Variants in THSD7A observed in about 807,000 individuals in gnomAD.
THSD7A encodes thrombospondin type-1 domain-containing protein 7A.
A neutral mutation model predicts 231.3 loss-of-function variants in THSD7A; 96 were observed. The ratio of observed to expected loss-of-function variants is 0.41; its 90% CI spans 0.35 to 0.49. THSD7A has a LOEUF of 0.49. Ranked by LOEUF, THSD7A falls within the 20% of genes least tolerant of loss-of-function variation. The pLI is 0.05. For missense variants in THSD7A, 2,290 were observed against 2,070.2 expected, an observed-to-expected ratio of 1.11 and a Z score of -2.06; for synonymous variants, 940 against 743.3, an observed-to-expected ratio of 1.26 and a Z score of -4.30.
intron 1 of THSD7A, among the ~76,000 whole-genome samples, chr7:11,679,171 A>G (rs1783767429): frequency 1.3e-5 from 2 of 152,182 alleles, no homozygotes; most frequent in African/African-American, 4.8e-5. Flanking sequence ...AAAACACTCA[A>G]TAAACAAGGT....
chr7:11,737,504 T>C (rs1781957192), intron 1 of THSD7A, among the ~76,000 whole-genome samples: 1 of 152,000 alleles, frequency 6.6e-6, no homozygotes, highest in Non-Finnish European at 1.5e-5. Flanking sequence ...ACTCACGCAG[T>C]TCCTGGAATC....
chr7:11,424,035 G>T (rs1432178528), intron 16 of THSD7A, among the ~76,000 whole-genome samples: 1 of 152,100 alleles, frequency 6.6e-6, no homozygotes, highest in Non-Finnish European at 1.5e-5. Flanking sequence ...GAGTGTAATA[G>T]AACAACCCTG....
intron 6 of THSD7A, among the ~76,000 whole-genome samples, chr7:11,521,800 C>A (rs1788279223): frequency 1.3e-5 from 2 of 151,114 alleles, no homozygotes; most frequent in African/African-American, 4.9e-5. Flanking sequence ...GTATTCACTA[C>A]CTTTTGAAGT....
At position 11,590,891 on chromosome 7, in the gene THSD7A, T is replaced by C. The variant is rs769651684; in HGVS notation, c.1272-250A>G. 7.9e-5 allele frequency among the ~76,000 whole-genome samples: 12 copies of C among 152,166 alleles called. No homozygotes were observed. Among genetic ancestry groups the C allele is most frequent in the Non-Finnish European group, 1.8e-4 (12 of 68,030 alleles). ...TACTGGAAGTTACTTATAAATATTTTATGAAAAGGGAGCACAATGCTGAAA... is the reference window on the plus strand; with the variant it reads ...TACTGGAAGTTACTTATAAATATTTCATGAAAAGGGAGCACAATGCTGAAA... On this transcript the variant is annotated intron_variant, in intron 3 of 27. Transcript: ENST00000423059. This position sits in a 1 kb window ranked among gnomAD's most constrained non-coding sequence, Gnocchi z 4.4.
At chr7:11,729,464 G>A (rs549428913) in intron 1 of THSD7A, among the ~76,000 whole-genome samples, 1 of 151,774 alleles carries the variant, frequency 6.6e-6, no homozygotes, top group South Asian at 2.1e-4. Flanking sequence ...AAGCAAGAAA[G>A]GCCCCAACTG....
intron 6 of THSD7A, among the ~76,000 whole-genome samples, chr7:11,513,435 A>C (rs898129426): frequency 1.3e-5 from 2 of 152,242 alleles, no homozygotes; most frequent in Non-Finnish European, 2.9e-5. Context: ...AAACAAAGTG[A>C]GGAACACAAA....
chr7:11,461,301 AT>A (rs1308224841), intron 10 of THSD7A, among the ~76,000 whole-genome samples: 1 of 152,196 alleles, frequency 6.6e-6, no homozygotes, highest in Non-Finnish European at 1.5e-5. Context: ...TCATCTCAGA[AT>A]TAAAGATTGA....
intron 6 of THSD7A, among the ~76,000 whole-genome samples, chr7:11,486,857 A>G (rs1786680290): frequency 6.6e-6 from 1 of 152,204 alleles, no homozygotes; most frequent in Non-Finnish European, 1.5e-5. Flanking sequence ...AAAACAGACT[A>G]AATGAACCAT....
In THSD7A at chr7:11,780,589, C is replaced by T. The variant is rs1439186750; in HGVS notation, c.190+51168G>A. Among the ~76,000 whole-genome samples, 5 of 152,276 alleles carry T rather than the reference C, an allele frequency of 3.3e-5. No individual in the cohort carries two copies. The East Asian group carries it at 7.7e-4, about 24-fold the overall frequency. ...AATGAATTCTCTAGCTCCAGTCAAT[C>T]CTTCAGATGACTATAGCCCCATCTA... On this transcript the variant is annotated intron_variant, in intron 1 of 27. Transcript: ENST00000423059.
intron 25 of THSD7A, 54 bp downstream of exon 25, chr7:11,379,576 G>C: frequency 6.9e-7 from 1 of 1,453,876 alleles, no homozygotes; most frequent in Non-Finnish European, 9.5e-7. Context: ...ATAAGAGACA[G>C]TGGGGTGACA....
At chr7:11,586,521 G>A (rs1452284189) in intron 4 of THSD7A, among the ~76,000 whole-genome samples, 4 of 152,038 alleles carry the variant, frequency 2.6e-5, no homozygotes, top group Non-Finnish European at 5.9e-5. Context: ...TCAAAAGTGA[G>A]GAACAGGAAA....
rs930062867 is a variant in THSD7A, at chr7:11,545,078, T to C, written c.1454-1961A>G. On this transcript the variant is annotated intron_variant, in intron 4 of 27. Transcript: ENST00000423059. ...CTTGACACCAATGATACACATTTCA[T>C]ATAAAAATGGATTCTTTTAAAGACA... 5.3e-5 allele frequency among the ~76,000 whole-genome samples: 8 copies of C among 152,284 alleles called. No individual in the cohort carries two copies. The East Asian group carries it at 5.8e-4, about 11-fold the overall frequency.
At chr7:11,654,933 G>T (rs1782651113) in intron 1 of THSD7A, among the ~76,000 whole-genome samples, 1 of 151,948 alleles carries the variant, frequency 6.6e-6, no homozygotes, top group South Asian at 2.1e-4. Flanking sequence ...AAAGCTGACA[G>T]TTGCATATTG....
intron 1 of THSD7A, among the ~76,000 whole-genome samples, chr7:11,761,463 G>A (rs920543691): frequency 6.6e-6 from 1 of 151,658 alleles, no homozygotes; most frequent in Non-Finnish European, 1.5e-5. Flanking sequence ...TTCATAAAGG[G>A]CATCATTTCA....
At chr7:11,800,701 A>G (rs766475138) in intron 1 of THSD7A, among the ~76,000 whole-genome samples, 19 of 152,198 alleles carry the variant, frequency 1.2e-4, no homozygotes, top group Non-Finnish European at 2.4e-4. Flanking sequence ...AGCAGAGAAT[A>G]GAATTTTGGT....
chr7:11,618,924 G>T (rs1409889033), intron 2 of THSD7A, among the ~76,000 whole-genome samples: 6 of 151,900 alleles, frequency 3.9e-5, no homozygotes, highest in African/African-American at 1.4e-4. Context: ...AGAGTGGTAA[G>T]ATTTTAGGTG....
At chr7:11,760,574 A>G (rs917083114) in intron 1 of THSD7A, among the ~76,000 whole-genome samples, 1 of 152,050 alleles carries the variant, frequency 6.6e-6, no homozygotes, top group African/African-American at 2.4e-5. Flanking sequence ...ATTGCAGAAC[A>G]CCAGCCTCAC....
rs574131345 is a variant in THSD7A, at chr7:11,467,245, CT to C, written c.2368+2633del. ...CTTTCAAGAAGATCTCTTGTACCTC[CT>C]TTTCAGTATGATTTTTCTTAATATA... On this transcript the variant is annotated intron_variant, in intron 9 of 27. Transcript: ENST00000423059. Among the ~76,000 whole-genome samples, 198 of 152,230 alleles carry C rather than the reference CT, an allele frequency of 1.3e-3. 1 individual carries two copies. Among genetic ancestry groups the C allele is most frequent in the African/African-American group, 4.6e-3 (193 of 41,566 alleles).
At chr7:11,565,497 C>T (rs1249825984) in intron 4 of THSD7A, among the ~76,000 whole-genome samples, 1 of 152,106 alleles carries the variant, frequency 6.6e-6, no homozygotes, top group Non-Finnish European at 1.5e-5. Context: ...TGTTAGGAGA[C>T]TATTCCAATA....
Sources: allele counts gnomAD v4.1 joint callset (sites outside exome capture counted in the v4.1 genomes callset), GRCh38; gene constraint gnomAD v4.1.1; non-coding constraint Gnocchi (gnomAD v3.1); transcripts MANE v1.5; gene names NCBI Gene and HGNC (gene_info 2026-07-23, HGNC 2026-07-21).